The following MORF4L1 variants were observed in gnomAD, a reference collection of about 807,000 sequenced individuals.
The protein encoded by MORF4L1 is mortality factor 4-like protein 1.
In MORF4L1, 4 loss-of-function variants were observed where a neutral mutation model predicts 52.9. The ratio of observed to expected loss-of-function variants is 0.08; its 90% CI spans 0.04 to 0.17. The LOEUF (loss-of-function observed/expected upper bound fraction) is 0.17. Ranked by LOEUF, MORF4L1 falls within the 10% of genes least tolerant of loss-of-function variation. The pLI is 1.00. For synonymous variants in MORF4L1, 123 were observed against 134.8 expected, an observed-to-expected ratio of 0.91 and a Z score of 0.61; for missense variants, 214 against 390.4, an observed-to-expected ratio of 0.55 and a Z score of 3.81.
intron 5 of MORF4L1, among the ~76,000 whole-genome samples, chr15:78,889,684 AAACT>A (rs2056766042): frequency 1.3e-5 from 2 of 152,226 alleles, no homozygotes; most frequent in South Asian, 4.1e-4. Flanking sequence ...GATTTTTACA[AAACT>A]AACAGACAAG....
chr15:78,884,169 A>G (rs1253296236), intron 3 of MORF4L1, among the ~76,000 whole-genome samples: 1 of 147,662 alleles, frequency 6.8e-6, no homozygotes, highest in Non-Finnish European at 1.5e-5. Context: ...GTGCCACTGC[A>G]CTCCAGCCTG....
chr15:78,886,357 T>G (rs1397301024), intron 4 of MORF4L1, 130 bp downstream of exon 4: 10 of 791,986 alleles, frequency 1.3e-5, no homozygotes, highest in Non-Finnish European at 2.1e-5. Flanking sequence ...TCAGCTGCTG[T>G]GTTACAGCTT....
At chr15:78,896,798 G>C (rs889865762) in intron 11 of MORF4L1, among the ~76,000 whole-genome samples, 185 bp from the exon 12 acceptor site, 2 of 152,132 alleles carry the variant, frequency 1.3e-5, no homozygotes, top group Non-Finnish European at 2.9e-5. Context: ...GTATAGTGTT[G>C]TTCATTGTAT....
intron 3 of MORF4L1, chr15:78,884,982 C>T (rs746753777): frequency 6.2e-7 from 1 of 1,613,948 alleles, no homozygotes; most frequent in Non-Finnish European, 8.5e-7. Flanking sequence ...CTGTGAGGCC[C>T]AGGCGCTCTG....
intron 3 of MORF4L1, 62 bp downstream of exon 3, chr15:78,880,641 CT>C: frequency 8.0e-7 from 1 of 1,256,028 alleles, no homozygotes; most frequent in Non-Finnish European, 1.1e-6. Context: ...CACTGACTGG[CT>C]TAGCAAGCAT....
intron 11 of MORF4L1, among the ~76,000 whole-genome samples, chr15:78,895,228 A>G (rs2056867287): frequency 6.6e-6 from 1 of 152,226 alleles, no homozygotes; most frequent in Admixed American, 6.5e-5. Flanking sequence ...AATTGTTAAG[A>G]TAATGAAAGG....
In MORF4L1 at chr15:78,892,223, C is replaced by T. The variant is rs1311112917; in HGVS notation, c.450C>T (p.Phe150=). 6.2e-7 allele frequency: 1 copy of T among 1,611,218 alleles called. No homozygotes were observed. The highest frequency in any genetic ancestry group is 1.3e-5 in the African/African-American group (1 of 74,824). Residue 150 remains phenylalanine, a synonymous_variant, in exon 8 of 12, where the codon TTC becomes TTT. Transcript: ENST00000426013. ...VDPTVENEET[F]MNRVEVKVKI... The stretch of plus-strand genomic sequence containing the variant: ...CTGTTTCTGTTTAGGAGGAAACATT[C>T]ATGAACAGAGTTGAAGTTAAAGTAA...
rs561854291 is a variant in MORF4L1, at chr15:78,875,684, G to A, written c.41-2529G>A. On this transcript the variant is annotated intron_variant, in intron 1 of 11. Coordinates refer to ENST00000426013, the MANE Select transcript of MORF4L1 (RefSeq NM_006791.4). ...CTCCTGTAATCCCGGCTACTCGGGC[G>A]GCTGAGACAGGAAATCGCTTGAACC... Among the ~76,000 whole-genome samples the A allele has an allele frequency of 3.1e-4, 47 of 152,000 alleles. 2 individuals carry two copies. The South Asian group carries it at 9.6e-3, about 31-fold the overall frequency.
intron 4 of MORF4L1, among the ~76,000 whole-genome samples, chr15:78,886,694 G>A (rs1380080684): frequency 6.6e-6 from 1 of 152,154 alleles, no homozygotes; most frequent in Non-Finnish European, 1.5e-5. Context: ...AGTGGCTCAC[G>A]CCTGTAATCC....
At position 78,885,058 on chromosome 15, in the gene MORF4L1, G is replaced by C. The variant is rs530301201; in HGVS notation, c.156-1083G>C. 1.5e-4 allele frequency: 235 copies of C among 1,613,656 alleles called. 2 individuals carry two copies. In the South Asian group the frequency reaches 2.5e-3, roughly 17 times the overall value. On this transcript the variant is annotated intron_variant, in intron 3 of 11. Coordinates refer to ENST00000426013, the MANE Select transcript of MORF4L1 (RefSeq NM_006791.4). ...TCCTGTTCCTGAAGGAGCTCCCTCA[G>C]TACACCACCCCCTCCTGACCTCTAG...
At chr15:78,890,899 T>G (rs1161681774) in intron 5 of MORF4L1, 90 bp from the exon 6 acceptor site, 1 of 1,205,200 alleles carries the variant, frequency 8.3e-7, no homozygotes. Flanking sequence ...AAGTTAGTAT[T>G]TCTCTGTGAA....
Position 78,897,760 on chromosome 15 carries a change from A to G in MORF4L1, c.*693A>G, listed in dbSNP as rs1458527524. The stretch of plus-strand genomic sequence containing the variant: ...AACAATGTGCTTGTGTTGATGCCTT[A>G]CAAAAACCATTGTATATTTGTGTAT... On this transcript the variant is annotated 3_prime_UTR_variant, in exon 12 of 12. Coordinates refer to ENST00000426013, the MANE Select transcript of MORF4L1 (RefSeq NM_006791.4). The G allele has an allele frequency of 1.3e-5, 2 of 152,652 alleles. No homozygotes were observed. The highest frequency in any genetic ancestry group is 2.9e-5 in the Non-Finnish European group (2 of 68,044). 9.5% of individuals were successfully genotyped at this position (152,652 alleles called of 1,614,324 possible).
In MORF4L1 at chr15:78,894,585, T is replaced by G. The variant is rs372283976; in HGVS notation, c.803-235T>G. ...ACCACATCTGTGGTAATTTTTGTAT[T>G]TTCTGTAGAGATGGGGTTTCACCAC... On this transcript the variant is annotated intron_variant, in intron 10 of 11. Coordinates refer to ENST00000426013, the MANE Select transcript of MORF4L1 (RefSeq NM_006791.4). 9 of 476,056 alleles carry G rather than the reference T, an allele frequency of 1.9e-5. 1 individual carries two copies. Among genetic ancestry groups the G allele is most frequent in the African/African-American group, 9.7e-5 (5 of 51,404 alleles). The allele number at this position is 476,056 out of a possible 1,614,324, so 29.5% of individuals were successfully genotyped here. A position where few individuals can be genotyped will look rare whatever the true frequency, so the allele number is the denominator to read the frequency against.
chr15:78,897,979 TACTC>T lies in MORF4L1; in HGVS notation c.*913_*916del, dbSNP rs528115715. 21 of 152,308 alleles carry T rather than the reference TACTC, an allele frequency of 1.4e-4. No individual in the cohort carries two copies. The highest frequency in any genetic ancestry group is 4.8e-4 in the African/African-American group (20 of 41,558). The allele number at this position is 152,308 out of a possible 1,614,324, so 9.4% of individuals were successfully genotyped here. A position where few individuals can be genotyped will look rare whatever the true frequency, so the allele number is the denominator to read the frequency against. ...TTTTTATTTTCCCTAAATTATTACT[TACTC>T]TGAGCATTAATTAAGGGCATTTTCA... is the stretch of plus-strand genomic sequence containing the variant. On this transcript the variant is annotated 3_prime_UTR_variant, in exon 12 of 12. Transcript: ENST00000426013.
Position 78,896,984 on chromosome 15 carries a change from T to C in MORF4L1, c.889T>C (p.Tyr297His). ...TTGTAATGAATATTTTATTTTTAGGTACCTGGCAAAGAATTCTGCAACTTT... is the reference window on the plus strand; with the variant it reads ...TTGTAATGAATATTTTATTTTTAGGCACCTGGCAAAGAATTCTGCAACTTT... ...LLNYLHDFLK[Y>H]LAKNSATLFS... is the part of the protein sequence containing the mutation. Residue 297 changes from tyrosine (Y) to histidine (H), a missense_variant and splice_region_variant, in exon 12 of 12, where the codon TAC becomes CAC. By Grantham distance (83) the Tyr-to-His change is moderately conservative (BLOSUM62 2). This residue lies in a region of MORF4L1 where 30 missense variants were observed against 34.6 expected (regional missense o/e 0.87). Transcript: ENST00000426013. 6.2e-7 allele frequency: 1 copy of C among 1,612,792 alleles called. No individual in the cohort carries two copies. The highest frequency in any genetic ancestry group is 8.5e-7 in the Non-Finnish European group (1 of 1,179,188).
At chr15:78,876,314 T>A (rs984705346) in intron 1 of MORF4L1, among the ~76,000 whole-genome samples, 8 of 152,294 alleles carry the variant, frequency 5.3e-5, no homozygotes, top group Admixed American at 1.3e-4. Context: ...AGTTTTTTTT[T>A]ATTTGATAAT....
At chr15:78,889,176 T>C (rs2056756828) in intron 5 of MORF4L1, among the ~76,000 whole-genome samples, 1 of 152,214 alleles carries the variant, frequency 6.6e-6, no homozygotes, top group Non-Finnish European at 1.5e-5. Context: ...TTCCCATTCT[T>C]GAACAGTAGA....
chr15:78,873,277 GGAGA>G lies in MORF4L1; in HGVS notation c.40+226_40+229del, dbSNP rs2056404428. 4 of 1,432,922 alleles carry G rather than the reference GGAGA, an allele frequency of 2.8e-6. No individual in the cohort carries two copies. The Admixed American group carries it at 9.0e-5, about 32-fold the overall frequency. The allele number at this position is 1,432,922 out of a possible 1,614,324, so 88.8% of individuals were successfully genotyped here. A position where few individuals can be genotyped will look rare whatever the true frequency, so the allele number is the denominator to read the frequency against. On this transcript the variant is annotated intron_variant, in intron 1 of 11. Transcript: ENST00000426013. Reference sequence around the variant, plus strand: ...AGAGTGCTGCGCAGGCGTTAGAGTGGGAGAGAGAGCGTTTGGCGCGTGGCACACC... The same window carrying G: ...AGAGTGCTGCGCAGGCGTTAGAGTGGGAGAGCGTTTGGCGCGTGGCACACC...
intron 10 of MORF4L1, 89 bp from the exon 11 acceptor site, chr15:78,894,731 T>G (rs2056857369): frequency 5.1e-6 from 5 of 983,624 alleles, no homozygotes; most frequent in Non-Finnish European, 8.1e-6. Context: ...TTTAAAGGAA[T>G]TGGTGGTGTT....
Sources: allele counts gnomAD v4.1 joint callset (sites outside exome capture counted in the v4.1 genomes callset), GRCh38; gene constraint gnomAD v4.1.1; regional missense constraint gnomAD v4.1.1; transcripts MANE v1.5; gene names NCBI Gene and HGNC (gene_info 2026-07-23, HGNC 2026-07-21).